OR3A2: variants seen among roughly 807,000 people sequenced by gnomAD.
OR3A2 encodes the protein olfactory receptor 3A2.
For missense variants in OR3A2, 318 were observed against 392.8 expected, an observed-to-expected ratio of 0.81 and a Z score of 1.61; for synonymous variants, 126 against 159.3, an observed-to-expected ratio of 0.79 and a Z score of 1.57.
At chr17:3,293,393 C>G (rs976191866) in intron 3 of OR3A2, among the ~76,000 whole-genome samples, 6 of 152,262 alleles carry the variant, frequency 3.9e-5, no homozygotes, top group Admixed American at 2.6e-4. Flanking sequence ...TTCTATTTAC[C>G]TGTCTGCATT....
At chr17:3,367,402 C>T (rs2049573227) in intron 2 of OR3A2, among the ~76,000 whole-genome samples, 1 of 141,808 alleles carries the variant, frequency 7.1e-6, no homozygotes, top group Admixed American at 7.0e-5. Context: ...TTCATTATAT[C>T]ATTCTTATGC....
intron 2 of OR3A2, among the ~76,000 whole-genome samples, chr17:3,341,002 C>G (rs1345810415): frequency 1.3e-5 from 2 of 152,096 alleles, no homozygotes; most frequent in Non-Finnish European, 2.9e-5. Flanking sequence ...TTGAATTGAT[C>G]CCTTTACCAT....
At chr17:3,344,695 C>A (rs1597351018) in intron 2 of OR3A2, among the ~76,000 whole-genome samples, 1 of 152,142 alleles carries the variant, frequency 6.6e-6, no homozygotes, top group African/African-American at 2.4e-5. Flanking sequence ...AGGAACTATG[C>A]CTTCAAATCT....
rs550640821 is a variant in OR3A2, at chr17:3,313,433, C to A, written c.-85+22600G>T. Reference sequence around the variant, plus strand: ...CCCAGCTGGGACCCATGCCATCCAACAGTCTCTGAGCCCTGGGCTCCTCCC... The same window carrying A: ...CCCAGCTGGGACCCATGCCATCCAAAAGTCTCTGAGCCCTGGGCTCCTCCC... On this transcript the variant is annotated intron_variant, in intron 3 of 4. Coordinates refer to the OR3A2 transcript ENST00000573491. Among the ~76,000 whole-genome samples, 8 of 152,364 alleles carry A rather than the reference C, an allele frequency of 5.3e-5. 1 individual carries two copies. In the South Asian group the frequency reaches 1.7e-3, roughly 32 times the overall value.
intron 2 of OR3A2, among the ~76,000 whole-genome samples, chr17:3,359,032 G>C (rs912471535): frequency 1.3e-5 from 2 of 151,726 alleles, no homozygotes; most frequent in Admixed American, 6.6e-5. Context: ...CCATTGTGTA[G>C]TGTCCTTCTT....
chr17:3,369,714 T>C (rs983022833), intron 2 of OR3A2, among the ~76,000 whole-genome samples: 1 of 152,156 alleles, frequency 6.6e-6, no homozygotes, highest in African/African-American at 2.4e-5. Context: ...TGTCCTTTCC[T>C]GATTTTAGTA....
At chr17:3,347,957 T>C (rs986019068) in intron 2 of OR3A2, among the ~76,000 whole-genome samples, 2 of 152,234 alleles carry the variant, frequency 1.3e-5, no homozygotes, top group African/African-American at 4.8e-5. Context: ...TGAAATGGTA[T>C]CTCATTGTGG....
At position 3,354,059 on chromosome 17, in the gene OR3A2, T is replaced by C. The variant is rs77711455; in HGVS notation, c.-178-17933A>G. On this transcript the variant is annotated intron_variant, in intron 2 of 4. Coordinates refer to the OR3A2 transcript ENST00000573491. ...AGTTATGATGAGTAATTTTTTTAAATGTATTGTTAAATTTGATTGGCTAGC... is the reference window on the plus strand; with the variant it reads ...AGTTATGATGAGTAATTTTTTTAAACGTATTGTTAAATTTGATTGGCTAGC... 8.6e-4 allele frequency among the ~76,000 whole-genome samples: 130 copies of C among 151,916 alleles called. 2 individuals are homozygous for C. The East Asian group carries it at 0.025, about 29-fold the overall frequency.
chr17:3,359,197 G>A (rs1186297704), intron 2 of OR3A2, among the ~76,000 whole-genome samples: 2 of 151,722 alleles, frequency 1.3e-5, no homozygotes, highest in African/African-American at 4.9e-5. Flanking sequence ...TCTCATGAAG[G>A]CAGAATACTA....
At chr17:3,338,613 G>A (rs1338718908) in intron 2 of OR3A2, among the ~76,000 whole-genome samples, 2 of 151,972 alleles carry the variant, frequency 1.3e-5, no homozygotes, top group African/African-American at 2.4e-5. Context: ...GGCCTCTGTT[G>A]TGTTCCATTG....
chr17:3,341,307 T>C (rs1332056322), intron 2 of OR3A2, among the ~76,000 whole-genome samples: 1 of 152,228 alleles, frequency 6.6e-6, no homozygotes, highest in Non-Finnish European at 1.5e-5. Flanking sequence ...TCTGTCATTA[T>C]GATGTTAGCT....
chr17:3,301,037 C>G (rs1368982528), intron 3 of OR3A2, among the ~76,000 whole-genome samples: 1 of 152,110 alleles, frequency 6.6e-6, no homozygotes, highest in East Asian at 1.9e-4. Context: ...TTTTTTATGG[C>G]TGCATAGTAT....
intron 2 of OR3A2, among the ~76,000 whole-genome samples, chr17:3,362,333 G>C (rs1325818869): frequency 6.6e-6 from 1 of 151,600 alleles, no homozygotes; most frequent in African/African-American, 2.4e-5. Flanking sequence ...CTTGCTAGCA[G>C]TCTATCAATT....
At position 3,282,525 on chromosome 17, in the gene OR3A2, C is replaced by T. The variant is rs531074468; in HGVS notation, c.-7+1833G>A. ...CTCCAATGTGAGGCTGTCTCGATGA[C>T]CAGCCTTCCAAATGAGGTCTCCACT... On this transcript the variant is annotated intron_variant, in intron 1 of 1. Coordinates refer to ENST00000642052, the Ensembl canonical transcript of OR3A2. Among the ~76,000 whole-genome samples, 64 of 152,328 alleles carry T rather than the reference C, an allele frequency of 4.2e-4. 1 individual carries two copies. The highest frequency in any genetic ancestry group is 7.6e-4 in the Non-Finnish European group (52 of 68,034).
chr17:3,353,995 T>C (rs992558065), intron 2 of OR3A2, among the ~76,000 whole-genome samples: 1 of 151,758 alleles, frequency 6.6e-6, no homozygotes, highest in Non-Finnish European at 1.5e-5. Flanking sequence ...TATTTGCACA[T>C]TTTGCACCAT....
intron 3 of OR3A2, among the ~76,000 whole-genome samples, chr17:3,332,997 A>G (rs1084906): frequency 0.69 from 105,288 of 152,070 alleles, 38,029 homozygotes; most frequent in East Asian, 1. Context: ...CAACCATAAG[A>G]TCTGACTGCC....
At chr17:3,308,399 A>AG (rs2049014172) in intron 3 of OR3A2, among the ~76,000 whole-genome samples, 2 of 152,118 alleles carry the variant, frequency 1.3e-5, no homozygotes, top group Non-Finnish European at 1.5e-5. Flanking sequence ...GGTGAGTCTC[A>AG]TCTCAAGACT....
intron 2 of OR3A2, among the ~76,000 whole-genome samples, chr17:3,352,941 T>G (rs2049432269): frequency 6.6e-6 from 1 of 151,706 alleles, no homozygotes; most frequent in Non-Finnish European, 1.5e-5. Flanking sequence ...TTTTACAGTT[T>G]TTCATTGTAG....
chr17:3,348,065 G>A (rs1044602458), intron 2 of OR3A2, among the ~76,000 whole-genome samples: 13 of 152,082 alleles, frequency 8.5e-5, no homozygotes, highest in African/African-American at 1.2e-4. Flanking sequence ...GTCTGTTCAC[G>A]TCCTTTGCCC....
Sources: allele counts gnomAD v4.1 joint callset (sites outside exome capture counted in the v4.1 genomes callset), GRCh38; gene constraint gnomAD v4.1.1; transcripts MANE v1.5; gene names NCBI Gene and HGNC (gene_info 2026-07-23, HGNC 2026-07-21).